Variants in MAD1L1 observed in about 807,000 individuals in gnomAD.
The protein encoded by MAD1L1 is mitotic arrest deficient 1 like 1.
A neutral mutation model predicts 96.9 loss-of-function variants in MAD1L1; 95 were observed. The ratio of observed to expected loss-of-function variants is 0.98; its 90% confidence interval spans 0.83 to 1.16. The LOEUF (loss-of-function observed/expected upper bound fraction) is 1.16. Ranked by LOEUF, MAD1L1 falls within the 50% of genes most tolerant of loss-of-function variation. MAD1L1 has a pLI of 0.00. For synonymous variants in MAD1L1, 473 were observed against 396.6 expected (o/e 1.19, Z -2.29); for missense variants, 1,007 against 954.4 (o/e 1.06, Z -0.73).
intron 12 of MAD1L1, among the ~76,000 whole-genome samples, chr7:2,058,591 G>A (rs1293167559): frequency 4.6e-5 from 4 of 87,258 alleles, no homozygotes; most frequent in Admixed American, 1.1e-4. Context: ...GTGGCCAGAG[G>A]AGAGGAGAGG....
intron 18 of MAD1L1, among the ~76,000 whole-genome samples, chr7:1,833,766 C>G (rs1562437900): frequency 6.6e-6 from 1 of 152,144 alleles, no homozygotes; most frequent in Non-Finnish European, 1.5e-5. Context: ...CATGGTGAAA[C>G]CCCCTCTCTA....
At chr7:2,060,227 C>T (rs1390836269) in intron 12 of MAD1L1, among the ~76,000 whole-genome samples, 4 of 125,148 alleles carry the variant, frequency 3.2e-5, no homozygotes, top group African/African-American at 1.2e-4. Flanking sequence ...ACGCCGATGC[C>T]GAGATACGCC....
intron 16 of MAD1L1, among the ~76,000 whole-genome samples, chr7:1,955,509 T>C (rs1021426482): frequency 6.6e-6 from 1 of 152,222 alleles, no homozygotes; most frequent in Non-Finnish European, 1.5e-5. Context: ...CAGGCTGGCC[T>C]TGAGCTCCTG....
chr7:1,984,940 G>A (rs1463036648), intron 14 of MAD1L1, among the ~76,000 whole-genome samples: 1 of 152,088 alleles, frequency 6.6e-6, no homozygotes, highest in African/African-American at 2.4e-5. Flanking sequence ...GTTTTACCCT[G>A]GTTGCTTTTA....
At chr7:2,231,455 A>G (rs1794185603) in intron 1 of MAD1L1, among the ~76,000 whole-genome samples, 1 of 151,806 alleles carries the variant, frequency 6.6e-6, no homozygotes, top group Admixed American at 6.6e-5. Context: ...CCCCATCTCT[A>G]CTAAAGCCAG....
In MAD1L1 at chr7:1,908,862, C is replaced by T. The variant is rs1333463947; in HGVS notation, c.1808-10472G>A. Among the ~76,000 whole-genome samples, 9 of 152,222 alleles carry T rather than the reference C, an allele frequency of 5.9e-5. No individual in the cohort carries two copies. In the East Asian group the frequency reaches 1.3e-3, roughly 23 times the overall value. ...TCATGACCCCCACCACACGGCCTGG[C>T]TCCCCCAAGTGTCTATTTCCCACCT... On this transcript the variant is annotated intron_variant, in intron 17 of 18. Coordinates refer to ENST00000265854, the MANE Select transcript of MAD1L1 (RefSeq NM_001013836.2).
At chr7:2,089,912 C>T (rs1786121681) in intron 11 of MAD1L1, among the ~76,000 whole-genome samples, 1 of 152,220 alleles carries the variant, frequency 6.6e-6, no homozygotes, top group South Asian at 2.1e-4. Flanking sequence ...TGAAGGGCTG[C>T]TCTCCCCAGA....
rs532922698 is a variant in MAD1L1 at position 2,062,843 on chromosome 7, GTGACCCACTCCCTGCACACAGCA to G, written c.1218+6328_1218+6350del. 6.4e-4 allele frequency among the ~76,000 whole-genome samples: 97 copies of G among 152,266 alleles called. 2 individuals are homozygous for G. In the South Asian group the frequency reaches 0.019, roughly 30 times the overall value. On this transcript the variant is annotated intron_variant, in intron 12 of 18. Transcript: ENST00000265854. ...ACCTCACACGTCAGGTCACTAAACCGTGACCCACTCCCTGCACACAGCATCACAACAGCAGCAAAAAGGAACAC... is the reference window on the plus strand; with the variant it reads ...ACCTCACACGTCAGGTCACTAAACCGTCACAACAGCAGCAAAAAGGAACAC...
intron 18 of MAD1L1, among the ~76,000 whole-genome samples, chr7:1,858,195 C>T (rs1032748074): frequency 6.6e-6 from 1 of 152,208 alleles, no homozygotes. Context: ...GCGCGCCCGT[C>T]GGTGGCAGTG....
At chr7:1,895,664 C>T (rs898828352) in intron 18 of MAD1L1, among the ~76,000 whole-genome samples, 2 of 152,232 alleles carry the variant, frequency 1.3e-5, no homozygotes, top group South Asian at 2.1e-4. Flanking sequence ...GGTGGGTGGC[C>T]GGAAGGGTGG....
At chr7:1,942,527 G>A (rs988374058) in intron 16 of MAD1L1, among the ~76,000 whole-genome samples, 10 of 152,192 alleles carry the variant, frequency 6.6e-5, no homozygotes, top group African/African-American at 4.8e-5. Context: ...GCCGAGTGTC[G>A]GGATGGGAGG....
At chr7:1,849,984 C>G (rs544777225) in intron 18 of MAD1L1, 9 of 152,204 alleles carry the variant, frequency 5.9e-5, no homozygotes, top group Non-Finnish European at 1.2e-4. Flanking sequence ...CCACCTTCCT[C>G]CAAGGAAGAA....
chr7:1,898,100 G>C, intron 18 of MAD1L1, 100 bp downstream of exon 18: 1 of 1,264,158 alleles, frequency 7.9e-7, no homozygotes, highest in Non-Finnish European at 1.1e-6. Flanking sequence ...CATCCCCTTT[G>C]GACGCGAGGC....
chr7:2,098,259 G>A (rs1211011717), intron 11 of MAD1L1, among the ~76,000 whole-genome samples: 1 of 152,166 alleles, frequency 6.6e-6, no homozygotes. Context: ...GCACCAGAGC[G>A]CCAGTCACAC....
intron 10 of MAD1L1, among the ~76,000 whole-genome samples, chr7:2,210,351 G>A (rs576421071): frequency 3.9e-5 from 6 of 152,208 alleles, no homozygotes; most frequent in Non-Finnish European, 8.8e-5. Context: ...GACTACAGGT[G>A]TGAGCCACTG....
At chr7:1,983,811 ACTTT>A (rs1354708146) in intron 14 of MAD1L1, among the ~76,000 whole-genome samples, 4 of 152,116 alleles carry the variant, frequency 2.6e-5, no homozygotes, top group Non-Finnish European at 4.4e-5. Context: ...GGATGGTGAT[ACTTT>A]CTATCAATTT....
At chr7:1,877,954 A>T (rs1785469572) in intron 18 of MAD1L1, among the ~76,000 whole-genome samples, 1 of 152,218 alleles carries the variant, frequency 6.6e-6, no homozygotes, top group African/African-American at 2.4e-5. Context: ...GTGATGACGA[A>T]AAAAGAGATG....
intron 11 of MAD1L1, among the ~76,000 whole-genome samples, chr7:2,077,064 T>C: frequency 6.8e-6 from 1 of 146,496 alleles, no homozygotes; most frequent in East Asian, 2.0e-4. Flanking sequence ...CGCGGCATGG[T>C]GAGCCCAAGA....
chr7:2,111,000 A>C (rs1057226970), intron 11 of MAD1L1, among the ~76,000 whole-genome samples: 5 of 152,194 alleles, frequency 3.3e-5, no homozygotes, highest in Non-Finnish European at 7.4e-5. Flanking sequence ...AGTCCTGTAC[A>C]CAAGTGAGGG....
Sources: gnomAD v4.1 joint callset for allele counts (sites outside exome capture counted in the v4.1 genomes callset) on GRCh38, gnomAD v4.1.1 for gene constraint, MANE v1.5 for transcripts, NCBI Gene and HGNC (gene_info 2026-07-23, HGNC 2026-07-21) for gene names.